CNTN5: variants seen among roughly 807,000 people sequenced by gnomAD.
CNTN5 encodes the protein contactin-5.
CNTN5 carries 77 observed loss-of-function variants against 129.1 expected under a neutral mutation model. The observed-to-expected ratio is 0.60, with a 90% CI of 0.50 to 0.72. The LOEUF (loss-of-function observed/expected upper bound fraction) is 0.72, where lower values mean the gene tolerates loss of function less well. Ranked by LOEUF, CNTN5 falls within the 30% of genes least tolerant of loss-of-function variation. The probability of loss-of-function intolerance (pLI) is 0.00; values close to 1 mark genes in which losing one functional copy is unlikely to be tolerated. For missense variants in CNTN5, 1,478 were observed against 1,328.8 expected, an observed-to-expected ratio of 1.11 and a Z score of -1.75; for synonymous variants, 509 against 465.6, an observed-to-expected ratio of 1.09 and a Z score of -1.20.
intron 6 of CNTN5, among the ~76,000 whole-genome samples, chr11:99,877,960 G>T (rs1431173752): frequency 1.3e-5 from 2 of 152,120 alleles, no homozygotes; most frequent in East Asian, 3.9e-4. Context: ...AGAGTGCATG[G>T]TAATGAACTT....
intron 6 of CNTN5, among the ~76,000 whole-genome samples, chr11:99,906,459 G>A (rs1192450364): frequency 2.0e-5 from 3 of 152,140 alleles, no homozygotes; most frequent in South Asian, 2.1e-4. Flanking sequence ...ATTTGCATAT[G>A]TTGAACCAGC....
chr11:99,394,399 T>A (rs1941414838), intron 2 of CNTN5, among the ~76,000 whole-genome samples: 1 of 151,650 alleles, frequency 6.6e-6, no homozygotes, highest in Non-Finnish European at 1.5e-5. Flanking sequence ...ATTTTCACCC[T>A]CCAAACTGTA....
At chr11:99,374,342 C>A (rs912993244) in intron 2 of CNTN5, among the ~76,000 whole-genome samples, 3 of 152,160 alleles carry the variant, frequency 2.0e-5, no homozygotes, top group Non-Finnish European at 2.9e-5. Context: ...TCAGATACAT[C>A]GGAACCTTGG....
chr11:99,582,017 C>A (rs1399049833), intron 3 of CNTN5, among the ~76,000 whole-genome samples: 1 of 151,824 alleles, frequency 6.6e-6, no homozygotes, highest in Non-Finnish European at 1.5e-5. Context: ...TTAGGGCAGG[C>A]CTGGTGGTGA....
intron 2 of CNTN5, among the ~76,000 whole-genome samples, chr11:99,527,399 C>T (rs1195037579): frequency 6.6e-6 from 1 of 152,084 alleles, no homozygotes; most frequent in Admixed American, 6.6e-5. Context: ...TGCAACTGTT[C>T]TCTTACAGTC....
At chr11:99,970,090 G>A (rs748726434) in intron 8 of CNTN5, among the ~76,000 whole-genome samples, 1 of 152,078 alleles carries the variant, frequency 6.6e-6, no homozygotes, top group Non-Finnish European at 1.5e-5. Flanking sequence ...TATGCCATAG[G>A]TTCTGCAAGC....
chr11:99,498,641 AG>A (rs1403765339), intron 2 of CNTN5, among the ~76,000 whole-genome samples: 10 of 152,146 alleles, frequency 6.6e-5, no homozygotes, highest in Admixed American at 6.6e-4. Context: ...ATATACAAAT[AG>A]GCTCTGATCT....
intron 3 of CNTN5, among the ~76,000 whole-genome samples, chr11:99,641,384 G>A (rs768785590): frequency 1.2e-4 from 18 of 146,992 alleles, no homozygotes; most frequent in Middle Eastern, 3.4e-3. Context: ...CTCAATTCTA[G>A]TTACTAAACT....
chr11:99,531,107 CT>C (rs1296617743), intron 2 of CNTN5, among the ~76,000 whole-genome samples: 9 of 152,148 alleles, frequency 5.9e-5, no homozygotes, highest in Admixed American at 1.3e-4. Context: ...TGTTGAATGG[CT>C]TTTCCCAAAA....
At chr11:100,296,514 T>C (rs1027074186) in intron 18 of CNTN5, among the ~76,000 whole-genome samples, 8 of 151,486 alleles carry the variant, frequency 5.3e-5, no homozygotes, top group African/African-American at 1.9e-4. Context: ...CATAATCCTA[T>C]ATTGGTAGCA....
At chr11:99,701,403 A>G (rs1490087406) in intron 3 of CNTN5, among the ~76,000 whole-genome samples, 3 of 151,286 alleles carry the variant, frequency 2.0e-5, no homozygotes, top group Non-Finnish European at 4.4e-5. Context: ...GTAATAGAAT[A>G]CAAGCTGGTC....
chr11:99,177,453 C>T (rs1857831306), intron 1 of CNTN5, among the ~76,000 whole-genome samples: 1 of 152,202 alleles, frequency 6.6e-6, no homozygotes, highest in Non-Finnish European at 1.5e-5. Context: ...ATTGCTATCA[C>T]ATCTGAAGCA....
intron 24 of CNTN5, among the ~76,000 whole-genome samples, chr11:100,354,848 A>G (rs1444435210): frequency 6.6e-6 from 1 of 151,640 alleles, no homozygotes; most frequent in African/African-American, 2.4e-5. Context: ...AAATTACAGT[A>G]AAGATATAGT....
At chr11:99,239,891 A>C (rs59398420) in intron 1 of CNTN5, among the ~76,000 whole-genome samples, 3 of 149,982 alleles carry the variant, frequency 2.0e-5, no homozygotes, top group South Asian at 2.1e-4. Context: ...GAGCCGAGAT[A>C]GCGCCACTGT....
At chr11:99,981,263 G>A (rs1337768820) in intron 8 of CNTN5, among the ~76,000 whole-genome samples, 12 of 151,926 alleles carry the variant, frequency 7.9e-5, no homozygotes, top group African/African-American at 1.4e-4. Flanking sequence ...AACCCAGGAA[G>A]CTGATGGTGT....
Position 99,222,530 on chromosome 11 carries a change from A to G in CNTN5, c.-209-102816A>G, listed in dbSNP as rs1000481024. Among the ~76,000 whole-genome samples, 5 of 152,174 alleles carry G rather than the reference A, an allele frequency of 3.3e-5. No individual in the cohort carries two copies. In the South Asian group the frequency reaches 1.0e-3, roughly 32 times the overall value. On this transcript the variant is annotated intron_variant, in intron 1 of 24. Transcript: ENST00000524871. ...GAATTTTCAAATCAACCTTATGAAC[A>G]TTTTCAAAAGGTAAATAAAATGAGA...
chr11:99,497,925 A>T (rs1316198034), intron 2 of CNTN5, among the ~76,000 whole-genome samples: 1 of 152,162 alleles, frequency 6.6e-6, no homozygotes, highest in African/African-American at 2.4e-5. Context: ...GGTAAATTCC[A>T]AAGTGTTCCA....
intron 2 of CNTN5, among the ~76,000 whole-genome samples, chr11:99,403,767 A>G (rs1941941239): frequency 6.6e-6 from 1 of 152,154 alleles, no homozygotes; most frequent in South Asian, 2.1e-4. Context: ...TTGTTTTGTG[A>G]CTTAACATAT....
chr11:100,118,914 T>G (rs553927658), intron 13 of CNTN5, among the ~76,000 whole-genome samples: 14 of 151,992 alleles, frequency 9.2e-5, no homozygotes, highest in Admixed American at 7.9e-4. Flanking sequence ...CAAATTACAT[T>G]GTTTACCTAG....
Sources: gnomAD v4.1 joint callset for allele counts (sites outside exome capture counted in the v4.1 genomes callset) on GRCh38, gnomAD v4.1.1 for gene constraint, MANE v1.5 for transcripts, NCBI Gene and HGNC (gene_info 2026-07-23, HGNC 2026-07-21) for gene names.